The following NME7 variants were observed in gnomAD, a reference collection of about 807,000 sequenced individuals.
The protein encoded by NME7 is nucleoside diphosphate kinase 7.
NME7 carries 41 observed loss-of-function variants against 49.1 expected under a neutral mutation model. The ratio of observed to expected loss-of-function variants is 0.83; its 90% CI spans 0.65 to 1.08. The LOEUF is 1.08. Ranked by LOEUF, NME7 falls within the 50% of genes least tolerant of loss-of-function variation. The probability of loss-of-function intolerance (pLI) is 0.00; values close to 1 mark genes in which losing one functional copy is unlikely to be tolerated. For missense variants in NME7, 423 were observed against 463.4 expected (o/e 0.91, Z 0.80); for synonymous variants, 139 against 150.6 (o/e 0.92, Z 0.56).
At chr1:169,322,088 T>C (rs950583444) in intron 3 of NME7, 1 of 152,212 alleles carries the variant, frequency 6.6e-6, no homozygotes, top group Non-Finnish European at 1.5e-5. Flanking sequence ...AAAATTAAAA[T>C]GTCATCTTGC....
intron 11 of NME7, chr1:169,168,772 T>A: frequency 2.3e-6 from 1 of 428,504 alleles, no homozygotes; most frequent in Non-Finnish European, 4.6e-6. Flanking sequence ...AACACATAAA[T>A]AGACTAGTAT....
rs58463903 is a variant in NME7, at chr1:169,135,014, C to CAAAAAAAAAAAAA, written c.1099-2210_1099-2198dup. ...ACATAAGGAGATCCCCCCGTCTCTA[C>CAAAAAAAAAAAAA]AAAAAAAAAAAAAAAAAAAAAAAAA... On this transcript the variant is annotated intron_variant, in intron 11 of 11. Transcript: ENST00000367811. 8.9e-4 allele frequency among the ~76,000 whole-genome samples: 45 copies of CAAAAAAAAAAAAA among 50,386 alleles called. 5 individuals are homozygous for CAAAAAAAAAAAAA. Among genetic ancestry groups the CAAAAAAAAAAAAA allele is most frequent in the African/African-American group, 1.1e-3 (15 of 13,754 alleles). 33.1% of individuals were successfully genotyped at this position (50,386 alleles called of 152,430 possible). A position where few individuals can be genotyped will look rare whatever the true frequency, so the allele number is the denominator to read the frequency against.
intron 10 of NME7, among the ~76,000 whole-genome samples, chr1:169,225,969 C>A (rs1647324116): frequency 6.6e-6 from 1 of 152,042 alleles, no homozygotes; most frequent in Non-Finnish European, 1.5e-5. Flanking sequence ...AGAAGCAGGA[C>A]CCATTTCGAT....
At chr1:169,148,204 C>T (rs767555917) in intron 11 of NME7, among the ~76,000 whole-genome samples, 19 of 152,178 alleles carry the variant, frequency 1.2e-4, no homozygotes, top group Middle Eastern at 3.4e-3. Flanking sequence ...GATTTTGCCA[C>T]GTTGGCCAGA....
At chr1:169,213,779 T>A (rs1660896370) in intron 10 of NME7, among the ~76,000 whole-genome samples, 1 of 151,546 alleles carries the variant, frequency 6.6e-6, no homozygotes. Flanking sequence ...TTGAGCTGTC[T>A]CATAAAAACA....
At chr1:169,271,223 C>T (rs1222669019) in intron 7 of NME7, among the ~76,000 whole-genome samples, 1 of 133,070 alleles carries the variant, frequency 7.5e-6, no homozygotes. Flanking sequence ...GAACTAAGGC[C>T]GCCTACATAC....
chr1:169,290,848 TG>T (rs1234720602), intron 6 of NME7, among the ~76,000 whole-genome samples: 6 of 152,172 alleles, frequency 3.9e-5, no homozygotes, highest in Admixed American at 1.3e-4. Context: ...CATCAAAAAG[TG>T]GGCAAAGTAT....
chr1:169,319,133 T>C (rs1336573183), intron 3 of NME7, among the ~76,000 whole-genome samples: 1 of 152,040 alleles, frequency 6.6e-6, no homozygotes, highest in African/African-American at 2.4e-5. Flanking sequence ...ATCCCAATAC[T>C]GTAATCCTGC....
At chr1:169,313,276 C>A (rs1373079036) in intron 3 of NME7, among the ~76,000 whole-genome samples, 1 of 150,464 alleles carries the variant, frequency 6.6e-6, no homozygotes, top group Non-Finnish European at 1.5e-5. Context: ...GACAGCATTG[C>A]CTATCTGGAA....
At chr1:169,313,575 T>C (rs1475796230) in intron 3 of NME7, among the ~76,000 whole-genome samples, 1 of 152,134 alleles carries the variant, frequency 6.6e-6, no homozygotes, top group Non-Finnish European at 1.5e-5. Flanking sequence ...GTACCTCAAA[T>C]AATTCATATG....
At chr1:169,183,362 T>C (rs1659976974) in intron 10 of NME7, among the ~76,000 whole-genome samples, 1 of 152,224 alleles carries the variant, frequency 6.6e-6, no homozygotes, top group African/African-American at 2.4e-5. Flanking sequence ...ATTACTATTA[T>C]ATATTTTAAA....
At chr1:169,287,229 C>T (rs776651236) in intron 7 of NME7, 74 bp downstream of exon 7, 7 of 1,181,138 alleles carry the variant, frequency 5.9e-6, no homozygotes, top group Non-Finnish European at 2.5e-6. Context: ...ATTTTCTATA[C>T]ATAAAGTACA....
intron 1 of NME7, among the ~76,000 whole-genome samples, chr1:169,329,931 T>C (rs966677436): frequency 3.3e-5 from 5 of 152,060 alleles, no homozygotes; most frequent in Non-Finnish European, 5.9e-5. Context: ...AAAGAAAGAA[T>C]TCTAAAAGCA....
At chr1:169,273,464 T>G (rs1649569864) in intron 7 of NME7, among the ~76,000 whole-genome samples, 1 of 125,510 alleles carries the variant, frequency 8.0e-6, no homozygotes, top group Non-Finnish European at 1.8e-5. Flanking sequence ...TTTCTTAATT[T>G]TTTTTTATTA....
At chr1:169,357,141 T>G (rs564970538) in intron 1 of NME7, among the ~76,000 whole-genome samples, 22 of 150,084 alleles carry the variant, frequency 1.5e-4, no homozygotes, top group Admixed American at 5.3e-4. Flanking sequence ...GGAACTAGTA[T>G]TATTATTATT....
chr1:169,311,140 C>T (rs988289143), intron 3 of NME7, among the ~76,000 whole-genome samples: 5 of 152,052 alleles, frequency 3.3e-5, no homozygotes, highest in South Asian at 2.1e-4. Context: ...ATATCCTGGC[C>T]GGGCGCGGTG....
intron 3 of NME7, among the ~76,000 whole-genome samples, chr1:169,312,518 C>G (rs1335707524): frequency 1.3e-5 from 2 of 152,108 alleles, no homozygotes; most frequent in African/African-American, 2.4e-5. Flanking sequence ...TTATAAAAAC[C>G]ACTATTTAAG....
chr1:169,239,917 G>C (rs999814413), intron 7 of NME7, among the ~76,000 whole-genome samples: 1 of 152,044 alleles, frequency 6.6e-6, no homozygotes, highest in African/African-American at 2.4e-5. Flanking sequence ...AGCCATGATA[G>C]AAGGACTTAT....
intron 9 of NME7, among the ~76,000 whole-genome samples, chr1:169,234,505 C>T (rs1221292081): frequency 2.0e-5 from 3 of 151,332 alleles, no homozygotes; most frequent in East Asian, 3.9e-4. Context: ...ATAAAAACAA[C>T]AATAATAGCA....
Sources: allele counts gnomAD v4.1 joint callset (sites outside exome capture counted in the v4.1 genomes callset), GRCh38; gene constraint gnomAD v4.1.1; transcripts MANE v1.5; gene names NCBI Gene and HGNC (gene_info 2026-07-23, HGNC 2026-07-21).